Variants in PBRM1 observed in about 807,000 individuals in gnomAD.
PBRM1 encodes the protein polybromo 1.
In PBRM1, 27 loss-of-function variants were observed where a neutral mutation model predicts 194.5. The observed-to-expected ratio is 0.14, with a 90% CI of 0.10 to 0.19. The LOEUF (loss-of-function observed/expected upper bound fraction) is 0.19, where lower values mean the gene tolerates loss of function less well. Among genes scored for constraint, PBRM1 ranks in the 10% least tolerant of loss-of-function variants. The pLI is 1.00. For synonymous variants in PBRM1, 655 were observed against 693.2 expected (o/e 0.94, Z 0.87); for missense variants, 1,466 against 2,077.2 (o/e 0.71, Z 5.72).
intron 22 of PBRM1, 78 bp from the exon 25 acceptor site, chr3:52,564,311 T>G: frequency 9.9e-7 from 1 of 1,011,560 alleles, no homozygotes; most frequent in East Asian, 2.5e-5. Flanking sequence ...TTTTATTATT[T>G]TTGGATGAAT....
In PBRM1 at chr3:52,549,309, C is replaced by T. The variant is rs138044951; in HGVS notation, c.4898-1074G>A. On this transcript the variant is annotated intron_variant, in intron 29 of 29. Transcript: ENST00000296302. ...TGCTGGGATTACAGGCGTGAGCCAC[C>T]GCTCCTGGCCCTCATCTGGCTAATT... Among the ~76,000 whole-genome samples the T allele has an allele frequency of 1.5e-3, 228 of 151,838 alleles. 2 individuals are homozygous for T. In the East Asian group the frequency reaches 0.021, roughly 14 times the overall value.
intron 17 of PBRM1, among the ~76,000 whole-genome samples, chr3:52,595,028 G>A (rs1356445087): frequency 6.6e-6 from 1 of 152,004 alleles, no homozygotes; most frequent in African/African-American, 2.4e-5. Flanking sequence ...TGTGTGTCTT[G>A]GAGATGATCT....
chr3:52,581,896 A>T (rs1326442419), intron 20 of PBRM1, among the ~76,000 whole-genome samples: 2 of 152,130 alleles, frequency 1.3e-5, no homozygotes, highest in Non-Finnish European at 2.9e-5. Flanking sequence ...TCAGCCTCCC[A>T]AAGTGATGGG....
intron 3 of PBRM1, among the ~76,000 whole-genome samples, chr3:52,665,247 T>C (rs1356211531): frequency 2.0e-5 from 3 of 152,150 alleles, no homozygotes; most frequent in African/African-American, 4.8e-5. Context: ...CTTGAACTCT[T>C]GGGCTCAAAT....
intron 2 of PBRM1, among the ~76,000 whole-genome samples, chr3:52,677,710 G>GC (rs1480508255): frequency 6.6e-6 from 1 of 151,998 alleles, no homozygotes; most frequent in African/African-American, 2.4e-5. Context: ...ATTGCGCCCA[G>GC]CCTTGCACCT....
At chr3:52,591,545 G>C (rs1450857643) in intron 17 of PBRM1, among the ~76,000 whole-genome samples, 5 of 114,422 alleles carry the variant, frequency 4.4e-5, no homozygotes, top group African/African-American at 7.2e-5. Flanking sequence ...TTGAGACGGA[G>C]TCTTGCTCTT....
At chr3:52,558,228 G>C (rs2082647224) in intron 26 of PBRM1, 21 bp downstream of exon 28, 1 of 1,476,364 alleles carries the variant, frequency 6.8e-7, no homozygotes. Context: ...GGAAAAAAAT[G>C]GTCTTAGCTC....
At chr3:52,571,091 G>A (rs1241421041) in intron 22 of PBRM1, among the ~76,000 whole-genome samples, 2 of 150,752 alleles carry the variant, frequency 1.3e-5, no homozygotes, top group Non-Finnish European at 2.9e-5. Context: ...TTGGGAGGCC[G>A]AGGCAGGCGC....
At chr3:52,577,430 CAAAAAAAAA>C (rs71084193) in intron 21 of PBRM1, among the ~76,000 whole-genome samples, 1 of 65,714 alleles carries the variant, frequency 1.5e-5, no homozygotes, top group East Asian at 4.7e-4. Context: ...GACAATGTCT[CAAAAAAAAA>C]AAAAAAAAAA....
intron 27 of PBRM1, 50 bp from the exon 30 acceptor site, chr3:52,550,867 C>T (rs1169832572): frequency 8.6e-7 from 1 of 1,167,200 alleles, no homozygotes; most frequent in South Asian, 1.3e-5. Context: ...GTTGAAATGA[C>T]TGAAAAACTA....
intron 1 of PBRM1, 54 bp downstream of exon 2, chr3:52,679,520 G>C (rs1386227732): frequency 1.3e-6 from 2 of 1,514,076 alleles, no homozygotes; most frequent in East Asian, 2.3e-5. Context: ...TTAAAGGGAA[G>C]ATAGGGGAAT....
At chr3:52,666,474 T>G (rs2096837230) in intron 3 of PBRM1, among the ~76,000 whole-genome samples, 1 of 151,402 alleles carries the variant, frequency 6.6e-6, no homozygotes, top group Non-Finnish European at 1.5e-5. Context: ...AGGCAGAGCT[T>G]GCAGTGAGCC....
chr3:52,595,617 C>T (rs2164884), intron 17 of PBRM1, among the ~76,000 whole-genome samples: 52,014 of 152,026 alleles, frequency 0.34, 9,917 homozygotes, highest in Admixed American at 0.46. Flanking sequence ...TTTTTTCCCA[C>T]TCTGTGGGTT....
rs549859037 is a variant in PBRM1 at position 52,576,006 on chromosome 3, G to T, written c.3691+535C>A. On this transcript the variant is annotated intron_variant, in intron 22 of 29. Coordinates refer to ENST00000296302, the Ensembl canonical transcript of PBRM1. ...GAGCAGGCAGAGGATGAATGCACCT[G>T]AAGACAGGCCATTTGAAGTTATCCA... Among the ~76,000 whole-genome samples, 3 of 152,010 alleles carry T rather than the reference G, an allele frequency of 2.0e-5. No individual in the cohort carries two copies. In the South Asian group the frequency reaches 6.2e-4, roughly 31 times the overall value.
chr3:52,681,223 G>A (rs981125380), upstream of PBRM1: 2 of 151,726 alleles, frequency 1.3e-5, no homozygotes, highest in African/African-American at 2.4e-5. Flanking sequence ...GAAAGGTTGG[G>A]GATCTCCAGG....
intron 25 of PBRM1, among the ~76,000 whole-genome samples, chr3:52,561,426 A>G (rs2083492393): frequency 6.6e-6 from 1 of 152,228 alleles, no homozygotes. Context: ...TTTTAATTAA[A>G]ATTATATTTA....
rs397989611 is a variant in PBRM1, at chr3:52,584,450, CTTTTT to C, written c.3387+1970_3387+1974del. On this transcript the variant is annotated intron_variant, in intron 20 of 29. Transcript: ENST00000296302. ...AATTATCTGCAGAAAAGTATTCTTG[CTTTTT>C]TTTTTTTTTTTTTTTTTTTTGAGAC... Among the ~76,000 whole-genome samples, 11 of 60,750 alleles carry C rather than the reference CTTTTT, an allele frequency of 1.8e-4. No homozygotes were observed. In the East Asian group the frequency reaches 2.8e-3, roughly 15 times the overall value. 39.9% of individuals were successfully genotyped at this position (60,750 alleles called of 152,430 possible). A position where few individuals can be genotyped will look rare whatever the true frequency, so the allele number is the denominator to read the frequency against.
intron 20 of PBRM1, among the ~76,000 whole-genome samples, chr3:52,582,263 T>A (rs2153713791): frequency 6.8e-6 from 1 of 146,810 alleles, no homozygotes; most frequent in East Asian, 2.0e-4. Context: ...AAAAAGCTCC[T>A]GAATGACCTG....
intron 2 of PBRM1, 141 bp downstream of exon 3, chr3:52,678,359 A>C: frequency 1.7e-6 from 1 of 576,924 alleles, no homozygotes; most frequent in Non-Finnish European, 3.1e-6. Flanking sequence ...CAGCTTGATT[A>C]CTAAAGACTA....
Sources: allele counts gnomAD v4.1 joint callset (sites outside exome capture counted in the v4.1 genomes callset), GRCh38; gene constraint gnomAD v4.1.1; transcripts MANE v1.5; gene names NCBI Gene and HGNC (gene_info 2026-07-23, HGNC 2026-07-21).